The following SPATA1 variants were observed in gnomAD, a reference collection of about 807,000 sequenced individuals.
The protein encoded by SPATA1 is spermatogenesis-associated protein 1.
SPATA1 carries 57 observed loss-of-function variants against 59.6 expected under a neutral mutation model. The observed-to-expected ratio is 0.96, with a 90% confidence interval of 0.77 to 1.19. The LOEUF is 1.19. Ranked by LOEUF, SPATA1 falls within the 50% of genes most tolerant of loss-of-function variation. SPATA1 has a pLI of 0.00. For synonymous variants in SPATA1, 147 were observed against 163.9 expected (o/e 0.90, Z 0.79); for missense variants, 448 against 480.7 (o/e 0.93, Z 0.64).
chr1:84,553,218 A>G, exon 13 of SPATA1: 1 of 711,528 alleles, frequency 1.4e-6, no homozygotes, highest in South Asian at 2.2e-5. Context: ...ATGTTTTATA[A>G]AAAGCACAAG....
At chr1:84,563,674 CAGAG>C (rs1281131191) in intron 4 of SPATA1, 7 of 1,004,774 alleles carry the variant, frequency 7.0e-6, no homozygotes, top group African/African-American at 3.4e-5. Flanking sequence ...CTAATGAAAA[CAGAG>C]AGACTCTAAA....
chr1:84,507,522 G>T (rs11586006), intron 1 of SPATA1, among the ~76,000 whole-genome samples: 1 of 151,880 alleles, frequency 6.6e-6, no homozygotes, highest in African/African-American at 2.4e-5. Flanking sequence ...GTTGTTTTTC[G>T]GAATGAAATG....
chr1:84,551,140 T>C (rs1313565661), intron 12 of SPATA1: 1 of 985,084 alleles, frequency 1.0e-6, no homozygotes, highest in African/African-American at 1.7e-5. Flanking sequence ...AGTACATATG[T>C]ATTAAAAAGC....
Position 84,526,797 on chromosome 1 carries a change from C to A in SPATA1, c.544+724C>A, listed in dbSNP as rs138332550. Among the ~76,000 whole-genome samples the A allele has an allele frequency of 1.8e-3, 252 of 139,354 alleles. 5 individuals carry two copies. The East Asian group carries it at 0.042, about 23-fold the overall frequency. The allele number at this position is 139,354 out of a possible 152,430, so 91.4% of individuals were successfully genotyped here. A position where few individuals can be genotyped will look rare whatever the true frequency, so the allele number is the denominator to read the frequency against. ...GCAGGAGGATTGCTTGAGCCAGGGA[C>A]GGGGAGGTTGCAGTGAGCTGAGATG... On this transcript the variant is annotated intron_variant, in intron 6 of 12. Coordinates refer to ENST00000490879, the Ensembl canonical transcript of SPATA1.
At chr1:84,557,833 G>C (rs1684492149), downstream of SPATA1, among the ~76,000 whole-genome samples, 1 of 151,152 alleles carries the variant, frequency 6.6e-6, no homozygotes, top group Non-Finnish European at 1.5e-5. Context: ...ACACCAGCGT[G>C]GGCGACATAG....
At chr1:84,525,561 G>C (rs1263658412) in intron 4 of SPATA1, 135 bp from the exon 5 acceptor site, 1 of 646,554 alleles carries the variant, frequency 1.5e-6, no homozygotes, top group African/African-American at 1.8e-5. Context: ...TACATTTCTA[G>C]AATCTAGCCA....
intron 4 of SPATA1, among the ~76,000 whole-genome samples, chr1:84,560,462 C>T (rs1443915844): frequency 6.6e-6 from 1 of 152,194 alleles, no homozygotes; most frequent in Non-Finnish European, 1.5e-5. Context: ...GTCCATACTT[C>T]GTTGAACCTA....
chr1:84,534,543 G>A (rs1298315534), intron 8 of SPATA1, among the ~76,000 whole-genome samples: 1 of 152,026 alleles, frequency 6.6e-6, no homozygotes, highest in African/African-American at 2.4e-5. Context: ...GTAAGTACTA[G>A]AGCTGGGCTT....
chr1:84,517,811 G>C (rs556161489), intron 2 of SPATA1, among the ~76,000 whole-genome samples: 7 of 152,138 alleles, frequency 4.6e-5, no homozygotes, highest in African/African-American at 1.7e-4. Context: ...GCTAGCACGT[G>C]AGTCACCATT....
downstream of SPATA1, among the ~76,000 whole-genome samples, chr1:84,566,399 A>G (rs1231349621): frequency 6.6e-6 from 1 of 152,208 alleles, no homozygotes; most frequent in African/African-American, 2.4e-5. Flanking sequence ...TTCAAATACA[A>G]AAGTTTTTAA....
In SPATA1 at chr1:84,516,378, C is replaced by A. The variant is rs375737896; in HGVS notation, c.19C>A (p.Arg7=). The A allele has an allele frequency of 1.6e-4, 237 of 1,510,828 alleles. 1 individual carries two copies. In the Middle Eastern group the frequency reaches 1.7e-3, roughly 11 times the overall value. 93.6% of individuals were successfully genotyped at this position (1,510,828 alleles called of 1,614,324 possible). The change falls in exon 2 of 13, where the codon CGA becomes AGA. Residue 7 remains arginine, a synonymous_variant. Transcript: ENST00000490879. ...AGTGAATATGTCACTCAATCCAAGT[C>A]GACCTTCCTCATCAGAGGTAAGAAA...
chr1:84,537,242 A>G (rs911979743), intron 8 of SPATA1, among the ~76,000 whole-genome samples: 1 of 152,108 alleles, frequency 6.6e-6, no homozygotes, highest in African/African-American at 2.4e-5. Context: ...TTACTATATA[A>G]GAGAAAACAG....
At chr1:84,544,090 C>A (rs1683998979) in intron 8 of SPATA1, 112 bp from the exon 9 acceptor site, 2 of 701,882 alleles carry the variant, frequency 2.8e-6, no homozygotes, top group Non-Finnish European at 4.9e-6. Context: ...GAGTTCATCA[C>A]CACTAAGTAA....
chr1:84,558,333 A>C (rs1353533692), downstream of SPATA1, among the ~76,000 whole-genome samples: 1 of 150,006 alleles, frequency 6.7e-6, no homozygotes, highest in African/African-American at 2.5e-5. Flanking sequence ...TCTGTCGCCC[A>C]GGCTGGAGTG....
exon 5 of SPATA1, chr1:84,565,957 TA>T: frequency 6.3e-7 from 1 of 1,596,738 alleles, no homozygotes; most frequent in Non-Finnish European, 8.5e-7. Flanking sequence ...GATTCCAGTA[TA>T]ATTATAGCAT....
At chr1:84,559,875 A>G (rs1221338012) in intron 4 of SPATA1, among the ~76,000 whole-genome samples, 4 of 151,972 alleles carry the variant, frequency 2.6e-5, no homozygotes, top group Admixed American at 2.6e-4. Context: ...ACTTGAGGTC[A>G]GGAGTTTGAG....
intron 4 of SPATA1, among the ~76,000 whole-genome samples, chr1:84,523,335 G>C (rs1683100110): frequency 1.3e-5 from 2 of 152,014 alleles, no homozygotes; most frequent in Non-Finnish European, 2.9e-5. Context: ...AAAGGTTCTG[G>C]TCTCTCATAT....
At chr1:84,526,261 AGTACTAT>A (rs998823346) in intron 6 of SPATA1, 188 bp downstream of exon 6, 3 of 490,340 alleles carry the variant, frequency 6.1e-6, no homozygotes, top group African/African-American at 3.8e-5. Context: ...AAACAATTTA[AGTACTAT>A]GTTAAAATAA....
rs952028310 is a variant in SPATA1 at position 84,535,917 on chromosome 1, A to G, written c.717+2151A>G. On this transcript the variant is annotated intron_variant, in intron 8 of 12. Transcript: ENST00000490879. The stretch of plus-strand genomic sequence containing the variant: ...TTCTGGTGATGGCCTCAACAATGGT[A>G]ATTTCACTAATGGAAACATCATTTT... 2.6e-5 allele frequency among the ~76,000 whole-genome samples: 4 copies of G among 152,284 alleles called. No individual in the cohort carries two copies. In the South Asian group the frequency reaches 8.3e-4, roughly 32 times the overall value.
Sources: gnomAD v4.1 joint callset for allele counts (sites outside exome capture counted in the v4.1 genomes callset) on GRCh38, gnomAD v4.1.1 for gene constraint, MANE v1.5 for transcripts, NCBI Gene and HGNC (gene_info 2026-07-23, HGNC 2026-07-21) for gene names.